Variants in PATL2 observed in about 807,000 individuals in gnomAD.
PATL2 encodes the protein protein PAT1 homolog 2.
A neutral mutation model predicts 77.0 loss-of-function variants in PATL2; 73 were observed. The observed-to-expected ratio is 0.95, with a 90% CI of 0.78 to 1.15. PATL2 has a LOEUF of 1.15. Among genes scored for constraint, PATL2 ranks in the 50% most tolerant of loss-of-function variants. The pLI is 0.00. For missense variants in PATL2, 618 were observed against 655.4 expected, an observed-to-expected ratio of 0.94 and a Z score of 0.62; for synonymous variants, 265 against 257.1, an observed-to-expected ratio of 1.03 and a Z score of -0.29.
chr15:44,700,024 T>C (rs768179409), intron 3 of PATL2, among the ~76,000 whole-genome samples: 5 of 152,168 alleles, frequency 3.3e-5, no homozygotes, highest in Non-Finnish European at 5.9e-5. Flanking sequence ...TTTTTTTCCA[T>C]TTCTGTGAAG....
chr15:44,669,991 G>A lies in PATL2; in HGVS notation c.754C>T (p.Pro252Ser), dbSNP rs2141179196. Residue 252 changes from proline (P) to serine (S), a missense_variant, in exon 10 of 18, where the codon CCG (proline) becomes TCG (serine). By Grantham distance (74) the Pro-to-Ser change is moderately conservative. Transcript: ENST00000682850. ...CCGGACTCATAAGCCTCTGCCTTCG[G>A]AATGTAAGGCGTTACCAGCTTGAGG... ...ESLKLVTPYI[P>S]KAEAYESVVR... 3.2e-6 allele frequency: 5 copies of A among 1,549,470 alleles called. No individual in the cohort carries two copies. Among genetic ancestry groups the A allele is most frequent in the Non-Finnish European group, 4.4e-6 (5 of 1,146,066 alleles).
chr15:44,711,368 T>C, upstream of PATL2: 1 of 730,012 alleles, frequency 1.4e-6, no homozygotes, highest in Non-Finnish European at 2.4e-6. Flanking sequence ...ATCACGAGAC[T>C]CTAAGAAAAG....
chr15:44,703,981 G>GTA (rs983644417), intron 3 of PATL2, among the ~76,000 whole-genome samples: 1 of 151,280 alleles, frequency 6.6e-6, no homozygotes, highest in African/African-American at 2.4e-5. Context: ...TGTATCTGTT[G>GTA]TATGTTGTTT....
intron 3 of PATL2, among the ~76,000 whole-genome samples, chr15:44,697,946 C>G (rs1173861630): frequency 6.6e-6 from 1 of 151,760 alleles, no homozygotes; most frequent in East Asian, 1.9e-4. Context: ...GCTATGTTGC[C>G]CAGGCTGGTC....
At position 44,670,019 on chromosome 15, in the gene PATL2, C is replaced by A; in HGVS notation, c.726G>T (p.Glu242Asp). ...EELLGRRNRV[E>D]SLKLVTPYIP... The stretch of plus-strand genomic sequence containing the variant: ...TGTAAGGCGTTACCAGCTTGAGGGA[C>A]TCAACCCGGTTTCTTCGTCCAAGTA... Residue 242 changes from glutamate (E) to aspartate (D), a missense_variant, in exon 10 of 18, where the codon GAG (glutamate) becomes GAT (aspartate). Physicochemically the swap from Glu to Asp is conservative, Grantham distance 45. Transcript: ENST00000682850. 1 of 1,550,850 alleles carries A rather than the reference C, an allele frequency of 6.4e-7. No homozygotes were observed. Among genetic ancestry groups the A allele is most frequent in the South Asian group, 1.2e-5 (1 of 83,952 alleles).
In PATL2 at chr15:44,675,422, G is replaced by A. The variant is rs1444100453; in HGVS notation, c.222+64C>T. 5 of 1,466,566 alleles carry A rather than the reference G, an allele frequency of 3.4e-6. No homozygotes were observed. The Admixed American group carries it at 7.0e-5, about 20-fold the overall frequency. 90.8% of individuals were successfully genotyped at this position (1,466,566 alleles called of 1,614,324 possible). A position where few individuals can be genotyped will look rare whatever the true frequency, so the allele number is the denominator to read the frequency against. On this transcript the variant is annotated intron_variant, in intron 5 of 17. Transcript: ENST00000682850. ...GTAGAAAAGAGAAGAGGAATGTTTAGTGACAGCCTGTGAGCCACAGACAGT... is the reference window on the plus strand; with the variant it reads ...GTAGAAAAGAGAAGAGGAATGTTTAATGACAGCCTGTGAGCCACAGACAGT...
At chr15:44,688,090 C>CA (rs1417442405) in intron 3 of PATL2, among the ~76,000 whole-genome samples, 4 of 151,694 alleles carry the variant, frequency 2.6e-5, no homozygotes, top group African/African-American at 7.3e-5. Context: ...ACTAAAAATA[C>CA]AAAAAATTAG....
chr15:44,667,192 A>G lies in PATL2; in HGVS notation c.1377T>C (p.Ser459=). ...CATGGCTCAGCAGGGCATAGAGCAA[A>G]GATATTCCAAACTGCAAGGGACATA... The part of the protein sequence containing the change: ...TVVLQNQFGI[S]LLYALLSHGE... Residue 459 remains serine (S), a synonymous_variant, in exon 16 of 18, where the codon TCT becomes TCC. Coordinates refer to ENST00000682850, the MANE Select transcript of PATL2 (RefSeq NM_001387263.1). 1 of 1,551,550 alleles carries G rather than the reference A, an allele frequency of 6.4e-7. No homozygotes were observed. Among genetic ancestry groups the G allele is most frequent in the South Asian group, 1.2e-5 (1 of 84,066 alleles).
Position 44,667,126 on chromosome 15 carries a change from G to C in PATL2, c.1443C>G (p.Pro481=), listed in dbSNP as rs1306748862. 1.9e-6 allele frequency: 3 copies of C among 1,551,322 alleles called. No individual in the cohort carries two copies. Among genetic ancestry groups the C allele is most frequent in the Non-Finnish European group, 1.7e-6 (2 of 1,146,842 alleles). Residue 481 remains proline, a synonymous_variant, in exon 16 of 18, where the codon CCC becomes CCG. Coordinates refer to ENST00000682850, the MANE Select transcript of PATL2 (RefSeq NM_001387263.1). ...CTTACCAAGCTGTATGGTCACTGTT[G>C]GGTTCCTCTAGGGAAGAATGCAGCG... ...LVSLHSSLEE[P]NSDHTAWTDM...
chr15:44,705,808 A>ATTGTTTTTTTTT (rs367813058), intron 3 of PATL2, among the ~76,000 whole-genome samples: 1 of 56,626 alleles, frequency 1.8e-5, no homozygotes, highest in African/African-American at 1.3e-4. Context: ...TCCTCAAAAC[A>ATTGTTTTTTTTT]TTGTTTTTTT....
intron 9 of PATL2, among the ~76,000 whole-genome samples, chr15:44,671,121 G>A (rs2085651572): frequency 6.6e-6 from 1 of 152,162 alleles, no homozygotes; most frequent in African/African-American, 2.4e-5. Context: ...GGAAAGAAAG[G>A]AAAAATACCT....
At chr15:44,699,469 G>A (rs1004846698) in intron 3 of PATL2, among the ~76,000 whole-genome samples, 1 of 152,084 alleles carries the variant, frequency 6.6e-6, no homozygotes, top group African/African-American at 2.4e-5. Flanking sequence ...CTCTTGAGTA[G>A]CTGGGATTAC....
chr15:44,672,524 C>T (rs1312485176), intron 7 of PATL2, 68 bp from the exon 8 acceptor site: 55 of 1,431,004 alleles, frequency 3.8e-5, no homozygotes, highest in Middle Eastern at 3.5e-4. Flanking sequence ...TCCATTCATT[C>T]AGCCCAGGTC....
chr15:44,680,667 G>GTCTTGTTTTTGTT (rs1313345705), intron 3 of PATL2, among the ~76,000 whole-genome samples: 1 of 152,114 alleles, frequency 6.6e-6, no homozygotes, highest in Non-Finnish European at 1.5e-5. Flanking sequence ...ACAAATCCCT[G>GTCTTGTTTTTGTT]TCTTGTTTTT....
At chr15:44,690,340 A>T (rs1327968105) in intron 3 of PATL2, among the ~76,000 whole-genome samples, 5 of 141,720 alleles carry the variant, frequency 3.5e-5, no homozygotes, top group East Asian at 2.0e-4. Context: ...AAGTCAAAAT[A>T]TTTTTTTTTT....
At chr15:44,673,679 G>A (rs1481348657) in intron 6 of PATL2, among the ~76,000 whole-genome samples, 10 of 152,078 alleles carry the variant, frequency 6.6e-5, no homozygotes, top group Non-Finnish European at 1.3e-4. Context: ...CTTCTCTTGG[G>A]CTGTCTTCAG....
intron 3 of PATL2, among the ~76,000 whole-genome samples, chr15:44,694,584 C>T (rs1394379566): frequency 6.6e-6 from 1 of 151,740 alleles, no homozygotes; most frequent in Admixed American, 6.6e-5. Context: ...TGGGTATTTA[C>T]CCCAGTCAAC....
intron 3 of PATL2, among the ~76,000 whole-genome samples, chr15:44,696,702 T>C (rs1318146516): frequency 6.6e-6 from 1 of 152,058 alleles, no homozygotes; most frequent in Admixed American, 6.6e-5. Context: ...AGGTATGGTG[T>C]CTGACTTGGT....
At chr15:44,666,864 A>G (rs2141158761) in intron 16 of PATL2, 1 of 514,174 alleles carries the variant, frequency 1.9e-6, no homozygotes, top group Non-Finnish European at 3.4e-6. Flanking sequence ...CCAGAATTCA[A>G]ACGTAGGTCT....
Sources: gnomAD v4.1 joint callset for allele counts (sites outside exome capture counted in the v4.1 genomes callset) on GRCh38, gnomAD v4.1.1 for gene constraint, MANE v1.5 for transcripts, NCBI Gene and HGNC (gene_info 2026-07-23, HGNC 2026-07-21) for gene names.